PPP2R2B: variants seen among roughly 807,000 people sequenced by gnomAD.
The protein encoded by PPP2R2B is protein phosphatase 2 regulatory subunit Bbeta.
A neutral mutation model predicts 46.0 loss-of-function variants in PPP2R2B; 5 were observed. That is an observed-to-expected ratio of 0.11 (90% CI 0.06 to 0.23). The LOEUF is 0.23. Ranked by LOEUF, PPP2R2B falls within the 10% of genes least tolerant of loss-of-function variation. PPP2R2B has a pLI of 1.00. For missense variants in PPP2R2B, 367 were observed against 575.0 expected, an observed-to-expected ratio of 0.64 and a Z score of 3.70; for synonymous variants, 215 against 206.7, an observed-to-expected ratio of 1.04 and a Z score of -0.34.
chr5:146,858,084 C>T (rs1477587326), intron 2 of PPP2R2B, among the ~76,000 whole-genome samples: 1 of 152,180 alleles, frequency 6.6e-6, no homozygotes, highest in South Asian at 2.1e-4. Flanking sequence ...GGCACCGTCA[C>T]TTTTAATACT....
At chr5:147,048,325 C>T (rs972991680) in intron 1 of PPP2R2B, among the ~76,000 whole-genome samples, 4 of 152,100 alleles carry the variant, frequency 2.6e-5, no homozygotes, top group African/African-American at 9.7e-5. Context: ...CACATTTTGG[C>T]TGGGTGGTTT....
chr5:147,054,453 C>A, intron 1 of PPP2R2B: 1 of 332,032 alleles, frequency 3.0e-6, no homozygotes, highest in Non-Finnish European at 5.9e-6. Context: ...CTTTTGCCAC[C>A]AATAAATTTT....
In PPP2R2B at chr5:146,639,656, A is replaced by T. The variant is rs112524835; in HGVS notation, c.626-1241T>A. ...GACCAACAGGACTCCCACTTTTCCT[A>T]GATTTTCCTACTCGTGAGCCACCTT... On this transcript the variant is annotated intron_variant, in intron 6 of 9. Coordinates refer to ENST00000394411, the MANE Select transcript of PPP2R2B (RefSeq NM_181675.4). Among the ~76,000 whole-genome samples, 183 of 152,322 alleles carry T rather than the reference A, an allele frequency of 1.2e-3. 1 individual carries two copies. Among genetic ancestry groups the T allele is most frequent in the African/African-American group, 4.1e-3 (169 of 41,568 alleles).
intron 2 of PPP2R2B, among the ~76,000 whole-genome samples, chr5:146,811,838 A>T (rs1250596894): frequency 6.7e-6 from 1 of 150,366 alleles, no homozygotes; most frequent in East Asian, 2.0e-4. Flanking sequence ...AAGTGCTGGG[A>T]TTACAGGTGT....
intron 1 of PPP2R2B, among the ~76,000 whole-genome samples, chr5:146,905,452 G>A (rs910431195): frequency 6.6e-6 from 1 of 151,992 alleles, no homozygotes; most frequent in African/African-American, 2.4e-5. Context: ...TGTTGACCAG[G>A]CTGGTGGTCT....
chr5:146,738,451 C>T (rs1014689259), intron 2 of PPP2R2B, among the ~76,000 whole-genome samples: 2 of 150,592 alleles, frequency 1.3e-5, no homozygotes, highest in East Asian at 1.9e-4. Context: ...TTGGAAGTGA[C>T]TTTAAACGTC....
At chr5:146,827,896 C>T (rs192265469) in intron 2 of PPP2R2B, among the ~76,000 whole-genome samples, 33 of 152,166 alleles carry the variant, frequency 2.2e-4, no homozygotes, top group African/African-American at 3.6e-4. Context: ...CTTTTTCTGT[C>T]GTCTTCCTAC....
chr5:146,663,718 T>C (rs1277908530), intron 5 of PPP2R2B, among the ~76,000 whole-genome samples: 1 of 152,256 alleles, frequency 6.6e-6, no homozygotes, highest in Non-Finnish European at 1.5e-5. Context: ...CTGAGCCTTC[T>C]GTGAATCATA....
intron 5 of PPP2R2B, among the ~76,000 whole-genome samples, chr5:146,680,270 T>C (rs1363609908): frequency 6.7e-6 from 1 of 149,496 alleles, no homozygotes; most frequent in Non-Finnish European, 1.5e-5. Context: ...TTGGAAATCA[T>C]CATTCTCAGT....
At chr5:147,037,950 A>C (rs1266503265) in intron 1 of PPP2R2B, among the ~76,000 whole-genome samples, 2 of 152,134 alleles carry the variant, frequency 1.3e-5, no homozygotes, top group African/African-American at 4.8e-5. Context: ...TTGTTGAGGG[A>C]ATGAGTAATA....
chr5:146,969,510 T>C (rs560533981), intron 1 of PPP2R2B, among the ~76,000 whole-genome samples: 2 of 152,310 alleles, frequency 1.3e-5, no homozygotes, highest in African/African-American at 2.4e-5. Flanking sequence ...GGCACCCTGA[T>C]TGGATTTCTT....
At chr5:146,843,802 A>T (rs1441989718) in intron 2 of PPP2R2B, among the ~76,000 whole-genome samples, 1 of 152,094 alleles carries the variant, frequency 6.6e-6, no homozygotes, top group Admixed American at 6.5e-5. Flanking sequence ...ATGGCTGCAT[A>T]GTATTCCATG....
At chr5:147,058,674 A>G (rs77255134), upstream of PPP2R2B, among the ~76,000 whole-genome samples, 1 of 152,134 alleles carries the variant, frequency 6.6e-6, no homozygotes, top group African/African-American at 2.4e-5. Flanking sequence ...CTATCTACCC[A>G]CATGCAGAAT....
At chr5:146,923,281 G>T (rs1365731228) in intron 1 of PPP2R2B, among the ~76,000 whole-genome samples, 3 of 152,188 alleles carry the variant, frequency 2.0e-5, no homozygotes, top group African/African-American at 7.2e-5. Flanking sequence ...TGAAGGACCA[G>T]AGGGGACCAC....
intron 2 of PPP2R2B, among the ~76,000 whole-genome samples, chr5:146,758,268 A>G (rs1753957254): frequency 6.6e-6 from 1 of 152,158 alleles, no homozygotes; most frequent in Non-Finnish European, 1.5e-5. Context: ...AGCAAAAGCA[A>G]CAGGTGAACT....
intron 1 of PPP2R2B, among the ~76,000 whole-genome samples, chr5:147,033,523 A>G (rs1390405867): frequency 1.3e-5 from 2 of 152,176 alleles, no homozygotes; most frequent in African/African-American, 4.8e-5. Flanking sequence ...AGATACTCAT[A>G]GCTAGATTGT....
chr5:146,807,622 A>G (rs1757253808), intron 2 of PPP2R2B, among the ~76,000 whole-genome samples: 1 of 151,804 alleles, frequency 6.6e-6, no homozygotes. Context: ...ACAGATGAGA[A>G]ATGTGGATCT....
chr5:147,080,599 A>C (rs757428125), intron 2 of PPP2R2B, among the ~76,000 whole-genome samples: 12 of 152,204 alleles, frequency 7.9e-5, no homozygotes, highest in South Asian at 2.1e-4. Flanking sequence ...AGAACCAGAA[A>C]GGCAATTATA....
chr5:146,985,748 A>G (rs1753399031), intron 1 of PPP2R2B, among the ~76,000 whole-genome samples: 1 of 152,190 alleles, frequency 6.6e-6, no homozygotes, highest in Non-Finnish European at 1.5e-5. Flanking sequence ...GAAACAAGAA[A>G]AGGCATTTAA....
Sources: gnomAD v4.1 joint callset for allele counts (sites outside exome capture counted in the v4.1 genomes callset) on GRCh38, gnomAD v4.1.1 for gene constraint, MANE v1.5 for transcripts, NCBI Gene and HGNC (gene_info 2026-07-23, HGNC 2026-07-21) for gene names.